NAALADL2: variants seen among roughly 807,000 people sequenced by gnomAD.
NAALADL2 encodes the protein inactive N-acetylated-alpha-linked acidic dipeptidase-like protein 2.
Under a neutral mutation model 87.2 loss-of-function variants are expected in NAALADL2, and 76 were observed. The observed-to-expected ratio is 0.87, with a 90% CI of 0.72 to 1.05. NAALADL2 has a LOEUF of 1.05. NAALADL2 is among the 50% of genes least tolerant of loss of function. NAALADL2 has a pLI of 0.00. For missense variants in NAALADL2, 1,089 were observed against 945.8 expected (o/e 1.15, Z -1.99); for synonymous variants, 354 against 331.0 (o/e 1.07, Z -0.75).
chr3:175,642,583 C>A (rs2149763542), intron 11 of NAALADL2, among the ~76,000 whole-genome samples: 1 of 151,740 alleles, frequency 6.6e-6, no homozygotes, highest in Admixed American at 6.6e-5. Flanking sequence ...TCACTGCAAG[C>A]TCCACCTTCT....
intron 4 of NAALADL2, among the ~76,000 whole-genome samples, chr3:175,271,664 C>G (rs1031843234): frequency 3.3e-5 from 5 of 152,036 alleles, no homozygotes; most frequent in African/African-American, 9.7e-5. Context: ...TGGTGGCGCA[C>G]GCCTGTAATC....
At chr3:175,533,318 G>A (rs1734352663) in intron 9 of NAALADL2, among the ~76,000 whole-genome samples, 1 of 152,198 alleles carries the variant, frequency 6.6e-6, no homozygotes, top group Non-Finnish European at 1.5e-5. Flanking sequence ...AATCACCCTT[G>A]CCCCTAGGGG....
At chr3:175,088,087 T>A (rs1465819685) in intron 1 of NAALADL2, among the ~76,000 whole-genome samples, 1 of 152,154 alleles carries the variant, frequency 6.6e-6, no homozygotes, top group Non-Finnish European at 1.5e-5. Context: ...AATTAATATA[T>A]ATGATCTTTA....
At chr3:175,731,944 A>G (rs1266688327) in intron 11 of NAALADL2, among the ~76,000 whole-genome samples, 1 of 152,210 alleles carries the variant, frequency 6.6e-6, no homozygotes, top group Non-Finnish European at 1.5e-5. Context: ...CTGGAAAAAA[A>G]ATCAATCAGA....
rs138318561 is a variant in NAALADL2, at chr3:175,693,529, C to T, written c.1897-43777C>T. ...TAAATTCTTTTTACTACATGCTGGG[C>T]AGTGCTGTGGTTCTAGTTCTTTAAA... On this transcript the variant is annotated intron_variant, in intron 11 of 13. Transcript: ENST00000454872. 5.4e-3 allele frequency among the ~76,000 whole-genome samples: 828 copies of T among 152,156 alleles called. 19 individuals are homozygous for T. Among genetic ancestry groups the T allele is most frequent in the East Asian group, 0.019 (98 of 5,164 alleles).
intron 2 of NAALADL2, among the ~76,000 whole-genome samples, chr3:174,584,605 C>T (rs1275972465): frequency 1.3e-5 from 2 of 151,908 alleles, no homozygotes; most frequent in Non-Finnish European, 2.9e-5. Flanking sequence ...GTCAGATTCC[C>T]TAGGTCTAAC....
At chr3:174,629,393 G>C (rs1354783207) in intron 2 of NAALADL2, among the ~76,000 whole-genome samples, 1 of 152,178 alleles carries the variant, frequency 6.6e-6, no homozygotes, top group Non-Finnish European at 1.5e-5. Flanking sequence ...AAATAGCTTG[G>C]TCATTGGCTT....
chr3:174,961,579 T>C (rs1333327142), intron 1 of NAALADL2, among the ~76,000 whole-genome samples: 2 of 151,384 alleles, frequency 1.3e-5, no homozygotes, highest in Non-Finnish European at 3.0e-5. Context: ...GATTTTATTT[T>C]AATTCAAGTA....
At chr3:174,593,914 A>T (rs1338183256) in intron 2 of NAALADL2, among the ~76,000 whole-genome samples, 1 of 152,158 alleles carries the variant, frequency 6.6e-6, no homozygotes, top group African/African-American at 2.4e-5. Context: ...TTGCTACCAG[A>T]TGCTGGCAGA....
intron 2 of NAALADL2, among the ~76,000 whole-genome samples, chr3:175,227,389 A>C (rs1431124250): frequency 6.6e-6 from 1 of 152,042 alleles, no homozygotes; most frequent in Non-Finnish European, 1.5e-5. Flanking sequence ...AGTCTTAGGC[A>C]TGACAGTTCA....
At chr3:175,045,864 A>G (rs1413180229) in intron 1 of NAALADL2, among the ~76,000 whole-genome samples, 1 of 152,168 alleles carries the variant, frequency 6.6e-6, no homozygotes, top group East Asian at 1.9e-4. Flanking sequence ...GAGGAACACT[A>G]TCACTATTTT....
At chr3:174,682,394 G>A (rs1477414080) in intron 2 of NAALADL2, among the ~76,000 whole-genome samples, 1 of 152,120 alleles carries the variant, frequency 6.6e-6, no homozygotes. Flanking sequence ...TAGAGCCCTA[G>A]GTCTTTGAGT....
chr3:175,321,770 C>A (rs1759912316), intron 4 of NAALADL2, among the ~76,000 whole-genome samples: 1 of 132,662 alleles, frequency 7.5e-6, no homozygotes, highest in African/African-American at 3.1e-5. Context: ...CCTAGGAATC[C>A]AACTTACAAG....
chr3:174,955,088 A>G (rs1039484913), intron 1 of NAALADL2, among the ~76,000 whole-genome samples: 3 of 152,248 alleles, frequency 2.0e-5, no homozygotes, highest in Non-Finnish European at 4.4e-5. Flanking sequence ...TCTTACTCCA[A>G]GAAAGATTGA....
rs556445473 is a variant in NAALADL2 at position 174,922,833 on chromosome 3, A to G, written c.43+63383A>G. ...CATTATATGAATATGATATCAAGAC[A>G]TATTAGTATTTCTTATTGCTGATGT... On this transcript the variant is annotated intron_variant, in intron 1 of 13. Transcript: ENST00000454872. Among the ~76,000 whole-genome samples, 5 of 152,316 alleles carry G rather than the reference A, an allele frequency of 3.3e-5. No homozygotes were observed. The South Asian group carries it at 1.0e-3, about 32-fold the overall frequency.
At chr3:174,666,570 A>G (rs1316472026) in intron 2 of NAALADL2, among the ~76,000 whole-genome samples, 1 of 152,214 alleles carries the variant, frequency 6.6e-6, no homozygotes, top group African/African-American at 2.4e-5. Flanking sequence ...AAATATACCA[A>G]CATGAGAACA....
intron 10 of NAALADL2, among the ~76,000 whole-genome samples, chr3:175,585,575 G>C (rs2149586965): frequency 6.6e-6 from 1 of 152,122 alleles, no homozygotes; most frequent in South Asian, 2.1e-4. Flanking sequence ...CCTTGTAGTA[G>C]TTTGTTTATT....
chr3:175,164,341 G>C (rs1392342790), intron 2 of NAALADL2, among the ~76,000 whole-genome samples: 1 of 151,718 alleles, frequency 6.6e-6, no homozygotes, highest in African/African-American at 2.4e-5. Flanking sequence ...TTATTTTGCA[G>C]TCTAGGGTGA....
intron 3 of NAALADL2, among the ~76,000 whole-genome samples, chr3:174,818,819 G>A (rs898550320): frequency 1.3e-5 from 2 of 152,060 alleles, no homozygotes; most frequent in Admixed American, 6.6e-5. Context: ...AATTTCTGAC[G>A]TCTGTGTGGC....
Sources: gnomAD v4.1 joint callset for allele counts (sites outside exome capture counted in the v4.1 genomes callset) on GRCh38, gnomAD v4.1.1 for gene constraint, MANE v1.5 for transcripts, NCBI Gene and HGNC (gene_info 2026-07-23, HGNC 2026-07-21) for gene names.